The following ABCE1 variants were observed in gnomAD, a reference collection of about 807,000 sequenced individuals.
ABCE1 encodes the protein ATP-binding cassette sub-family E member 1.
A neutral mutation model predicts 83.4 loss-of-function variants in ABCE1; 22 were observed. That is an observed-to-expected ratio of 0.26 (90% CI 0.19 to 0.38). The LOEUF is 0.38. Ranked by LOEUF, ABCE1 falls within the 10% of genes least tolerant of loss-of-function variation. ABCE1 has a pLI of 1.00. For synonymous variants in ABCE1, 204 were observed against 233.7 expected (o/e 0.87, Z 1.16); for missense variants, 330 against 721.9 (o/e 0.46, Z 6.22).
chr4:145,098,985 A>T (rs1318627805), intron 1 of ABCE1, among the ~76,000 whole-genome samples: 12 of 152,358 alleles, frequency 7.9e-5, no homozygotes, highest in Non-Finnish European at 1.6e-4. Context: ...AACAGCGTGT[A>T]CGCAGCTATG....
chr4:145,117,302 T>A lies in ABCE1; in HGVS notation c.810T>A (p.Ile270=). The A allele has an allele frequency of 6.2e-7, 1 of 1,603,090 alleles. No individual in the cohort carries two copies. The highest frequency in any genetic ancestry group is 8.5e-7 in the Non-Finnish European group (1 of 1,174,532). ...RSLINPDRYI[I]VVEHDLSVLD... is the part of the protein sequence containing the mutation. ...CTGGTTTGATTTTCAGATATATCAT[T>A]GTGGTGGAACATGATCTAAGTGTAT... Residue 270 remains isoleucine (I), a synonymous_variant, in exon 10 of 18, where the codon ATT becomes ATA. Coordinates refer to ENST00000296577, the MANE Select transcript of ABCE1 (RefSeq NM_002940.3).
intron 10 of ABCE1, 109 bp from the exon 11 acceptor site, chr4:145,119,823 A>G: frequency 1.4e-6 from 1 of 736,962 alleles, no homozygotes; most frequent in East Asian, 2.8e-5. Context: ...CCAACATGTT[A>G]GCAAAAATCC....
chr4:145,125,314 A>G (rs1749850863), intron 17 of ABCE1, among the ~76,000 whole-genome samples: 1 of 152,082 alleles, frequency 6.6e-6, no homozygotes, highest in African/African-American at 2.4e-5. Flanking sequence ...CTAAAAATGC[A>G]AAAATTAGCC....
intron 9 of ABCE1, among the ~76,000 whole-genome samples, chr4:145,115,377 G>T (rs972571003): frequency 6.6e-6 from 1 of 151,918 alleles, no homozygotes; most frequent in African/African-American, 2.4e-5. Flanking sequence ...CCATGTAATG[G>T]ATTAGTGCCA....
intron 1 of ABCE1, among the ~76,000 whole-genome samples, chr4:145,102,491 G>A (rs1003433484): frequency 6.6e-6 from 1 of 152,148 alleles, no homozygotes; most frequent in Non-Finnish European, 1.5e-5. Context: ...CTTAGCCAGG[G>A]AAATACATAC....
rs34131374 is a variant in ABCE1 at position 145,123,388 on chromosome 4, TTATG to T, written c.1517+35_1517+38del. The T allele has an allele frequency of 3.6e-5, 58 of 1,595,146 alleles. No homozygotes were observed. In the African/African-American group the frequency reaches 7.1e-4, roughly 20 times the overall value. ...TATCTTGCTCCTAGCCATATTTTGA[TTATG>T]TATACTGTCCTACAAGTGTGCTTAA... On this transcript the variant is annotated intron_variant, in intron 15 of 17. Coordinates refer to ENST00000296577, the MANE Select transcript of ABCE1 (RefSeq NM_002940.3).
intron 11 of ABCE1, among the ~76,000 whole-genome samples, chr4:145,120,853 T>C (rs1749721269): frequency 1.3e-5 from 2 of 152,320 alleles, no homozygotes; most frequent in South Asian, 4.1e-4. Flanking sequence ...CAGTCTATAC[T>C]GTCTTAATAA....
intron 13 of ABCE1, 76 bp downstream of exon 13, chr4:145,121,467 T>A: frequency 2.7e-6 from 3 of 1,131,936 alleles, no homozygotes; most frequent in Non-Finnish European, 3.9e-6. Flanking sequence ...TTTACTATAT[T>A]AAAATTTTTC....
At chr4:145,098,997 C>G (rs922574118) in intron 1 of ABCE1, among the ~76,000 whole-genome samples, 1 of 152,230 alleles carries the variant, frequency 6.6e-6, no homozygotes, top group Non-Finnish European at 1.5e-5. Context: ...GCAGCTATGA[C>G]TGGGGTTGTC....
intron 5 of ABCE1, 85 bp downstream of exon 5, chr4:145,109,334 T>C (rs747484163): frequency 4.0e-5 from 27 of 668,748 alleles, no homozygotes; most frequent in African/African-American, 9.5e-5. Flanking sequence ...TTTTAAAATA[T>C]TCTTATTTTC....
chr4:145,111,146 T>C, intron 8 of ABCE1, 82 bp downstream of exon 8: 1 of 899,316 alleles, frequency 1.1e-6, no homozygotes. Flanking sequence ...AGGAATGGTT[T>C]TGAGAGAAAT....
chr4:145,120,095 A>G lies in ABCE1; in HGVS notation c.1086A>G (p.Leu362=). ...GMKKKMGEFE[L]AIVAGEFTDS... ...AGAAAAAAATGGGAGAATTTGAGCT[A>G]GCAATTGTAGCTGGAGAGTTTACAG... Residue 362 remains leucine, a synonymous_variant, in exon 11 of 18, where the codon CTA becomes CTG. Coordinates refer to ENST00000296577, the MANE Select transcript of ABCE1 (RefSeq NM_002940.3). The G allele has an allele frequency of 1.9e-6, 3 of 1,612,116 alleles. No individual in the cohort carries two copies. The highest frequency in any genetic ancestry group is 2.5e-6 in the Non-Finnish European group (3 of 1,179,248).
chr4:145,126,604 T>A (rs1003308617), intron 17 of ABCE1, among the ~76,000 whole-genome samples: 1 of 152,172 alleles, frequency 6.6e-6, no homozygotes, highest in East Asian at 1.9e-4. Context: ...ATCATTTCTG[T>A]TTTTAATATC....
intron 10 of ABCE1, 24 bp downstream of exon 10, chr4:145,117,438 A>T: frequency 1.2e-6 from 2 of 1,606,840 alleles, no homozygotes; most frequent in Non-Finnish European, 1.7e-6. Flanking sequence ...CTTTTTTCAC[A>T]TATGCTGTAT....
At chr4:145,102,793 A>G (rs1749188714) in intron 1 of ABCE1, among the ~76,000 whole-genome samples, 1 of 152,160 alleles carries the variant, frequency 6.6e-6, no homozygotes, top group Non-Finnish European at 1.5e-5. Context: ...GGGGTGAACT[A>G]AAAAGATAAG....
intron 9 of ABCE1, among the ~76,000 whole-genome samples, chr4:145,117,061 C>T (rs1478392297): frequency 1.3e-5 from 2 of 151,892 alleles, no homozygotes; most frequent in African/African-American, 2.4e-5. Flanking sequence ...TAGCAGAATG[C>T]ATTTAATTCA....
rs1749932137 is a variant in ABCE1 at position 145,127,740 on chromosome 4, A to T, written c.*167A>T. 6.3e-6 allele frequency: 3 copies of T among 478,508 alleles called. No individual in the cohort carries two copies. The highest frequency in any genetic ancestry group is 1.1e-5 in the Non-Finnish European group (3 of 280,820). The allele number at this position is 478,508 out of a possible 1,614,324, so 29.6% of individuals were successfully genotyped here. On this transcript the variant is annotated 3_prime_UTR_variant, in exon 18 of 18. Transcript: ENST00000296577. ...CCAGTTGGGTTCTAAATTGTAGTTG[A>T]AACACAGAAAATGCCACTTTTCTGT...
chr4:145,121,058 T>C, intron 11 of ABCE1, 116 bp from the exon 12 acceptor site: 1 of 911,288 alleles, frequency 1.1e-6, no homozygotes, highest in South Asian at 1.6e-5. Context: ...CAGAATTCAA[T>C]AATGTCAGTG....
At chr4:145,110,807 G>A (rs1749450185) in intron 7 of ABCE1, 161 bp from the exon 8 acceptor site, 2 of 581,442 alleles carry the variant, frequency 3.4e-6, no homozygotes, top group Non-Finnish European at 6.0e-6. Flanking sequence ...AGTGATGAAA[G>A]TACACATCTT....
Sources: gnomAD v4.1 joint callset for allele counts (sites outside exome capture counted in the v4.1 genomes callset) on GRCh38, gnomAD v4.1.1 for gene constraint, MANE v1.5 for transcripts, NCBI Gene and HGNC (gene_info 2026-07-23, HGNC 2026-07-21) for gene names.